ATP13A5: variants seen among roughly 807,000 people sequenced by gnomAD.
ATP13A5 encodes the protein probable cation-transporting ATPase 13A5.
ATP13A5 carries 149 observed loss-of-function variants against 150.2 expected under a neutral mutation model. The observed-to-expected ratio is 0.99, with a 90% CI of 0.87 to 1.14. The LOEUF is 1.14. Ranked by LOEUF, ATP13A5 falls within the 50% of genes most tolerant of loss-of-function variation. ATP13A5 has a pLI of 0.00. For missense variants in ATP13A5, 1,383 were observed against 1,449.3 expected (o/e 0.95, Z 0.74); for synonymous variants, 497 against 522.2 (o/e 0.95, Z 0.66).
intron 19 of ATP13A5, among the ~76,000 whole-genome samples, chr3:193,312,522 C>T (rs1240258306): frequency 6.6e-6 from 1 of 152,218 alleles, no homozygotes; most frequent in Non-Finnish European, 1.5e-5. Flanking sequence ...CCTTTCCCTC[C>T]TTCCTTGCAC....
intron 1 of ATP13A5, among the ~76,000 whole-genome samples, chr3:193,365,510 T>C (rs1211577666): frequency 6.6e-6 from 1 of 152,196 alleles, no homozygotes; most frequent in African/African-American, 2.4e-5. Flanking sequence ...TCTCTTTCTG[T>C]TCCCTCTGAT....
chr3:193,327,462 T>C (rs1344827028), intron 12 of ATP13A5, among the ~76,000 whole-genome samples: 10 of 152,196 alleles, frequency 6.6e-5, no homozygotes, highest in Admixed American at 3.3e-4. Context: ...TTCGAGACTG[T>C]TCAGTTCACA....
chr3:193,310,661 A>G lies in ATP13A5; in HGVS notation c.2502T>C (p.Leu834=). The change falls in exon 21 of 30, where the codon CTT becomes CTC. Residue 834 remains leucine (L), a synonymous_variant. Coordinates refer to ENST00000342358, the MANE Select transcript of ATP13A5 (RefSeq NM_198505.4). ...ACTTTAATTTCTGAAATTCTTCAATAAGGCTTGATTTCTGCCCAGGAGACA... is the reference window on the plus strand; with the variant it reads ...ACTTTAATTTCTGAAATTCTTCAATGAGGCTTGATTTCTGCCCAGGAGACA... ...ARMSPGQKSS[L]IEEFQKLNYY... 6.2e-7 allele frequency: 1 copy of G among 1,607,426 alleles called. No individual in the cohort carries two copies. The highest frequency in any genetic ancestry group is 8.5e-7 in the Non-Finnish European group (1 of 1,178,322).
chr3:193,327,160 T>G (rs1176624366), intron 12 of ATP13A5, 103 bp from the exon 13 acceptor site: 11 of 1,006,588 alleles, frequency 1.1e-5, no homozygotes, highest in Non-Finnish European at 1.6e-5. Flanking sequence ...GTAGATCCAG[T>G]AGTCTAAATA....
intron 7 of ATP13A5, among the ~76,000 whole-genome samples, chr3:193,347,702 C>T (rs533366801): frequency 2.0e-5 from 3 of 152,188 alleles, no homozygotes; most frequent in East Asian, 1.9e-4. Context: ...TCTGTGTAAC[C>T]TGTCATGCTT....
intron 7 of ATP13A5, among the ~76,000 whole-genome samples, chr3:193,349,736 A>C (rs1712490260): frequency 6.6e-6 from 1 of 152,170 alleles, no homozygotes; most frequent in African/African-American, 2.4e-5. Flanking sequence ...AAAATCGTAA[A>C]TATCAATATA....
intron 25 of ATP13A5, among the ~76,000 whole-genome samples, chr3:193,294,168 T>G (rs796755070): frequency 6.6e-5 from 10 of 152,146 alleles, no homozygotes; most frequent in African/African-American, 2.4e-4. Context: ...GGAAGACAGA[T>G]GGAAACAGTA....
chr3:193,348,412 C>A (rs965097532), intron 7 of ATP13A5, among the ~76,000 whole-genome samples: 1 of 152,168 alleles, frequency 6.6e-6, no homozygotes, highest in Non-Finnish European at 1.5e-5. Flanking sequence ...GAAGGCAAAG[C>A]ACTGTGGGCC....
intron 5 of ATP13A5, among the ~76,000 whole-genome samples, chr3:193,356,540 T>A (rs1284090141): frequency 6.6e-6 from 1 of 151,860 alleles, no homozygotes; most frequent in Non-Finnish European, 1.5e-5. Flanking sequence ...ACCTCAGGAG[T>A]TTGAGACCAG....
intron 21 of ATP13A5, among the ~76,000 whole-genome samples, chr3:193,308,314 C>T (rs1718698525): frequency 6.6e-6 from 1 of 152,098 alleles, no homozygotes; most frequent in Non-Finnish European, 1.5e-5. Flanking sequence ...AAAAAATCAG[C>T]TGGGCATGGT....
chr3:193,317,928 G>A (rs571604884), intron 17 of ATP13A5, among the ~76,000 whole-genome samples: 29 of 152,234 alleles, frequency 1.9e-4, no homozygotes, highest in South Asian at 4.1e-4. Flanking sequence ...TGTCCTTAAC[G>A]TTGATTATTC....
intron 27 of ATP13A5, among the ~76,000 whole-genome samples, chr3:193,283,347 A>G (rs1210514027): frequency 1.3e-5 from 2 of 152,188 alleles, no homozygotes; most frequent in Non-Finnish European, 2.9e-5. Context: ...CTTCCTGTGC[A>G]TAAAGACAAT....
At chr3:193,278,799 A>G (rs769348845) in intron 28 of ATP13A5, among the ~76,000 whole-genome samples, 1 of 152,158 alleles carries the variant, frequency 6.6e-6, no homozygotes, top group Non-Finnish European at 1.5e-5. Flanking sequence ...CATCTTCACA[A>G]CAAATCTATG....
At chr3:193,371,380 G>A (rs926021001) in intron 1 of ATP13A5, among the ~76,000 whole-genome samples, 9 of 152,170 alleles carry the variant, frequency 5.9e-5, no homozygotes, top group African/African-American at 2.2e-4. Flanking sequence ...AGCTGTGATG[G>A]TGTATTAGTT....
chr3:193,285,277 C>G (rs1017674046), intron 26 of ATP13A5, among the ~76,000 whole-genome samples, 161 bp from the exon 27 acceptor site: 2 of 152,172 alleles, frequency 1.3e-5, no homozygotes, highest in African/African-American at 4.8e-5. Context: ...TATGACAAAG[C>G]AGAAATAAAA....
At position 193,340,719 on chromosome 3, in the gene ATP13A5, T is replaced by A. The variant is rs566653492; in HGVS notation, c.943+3208A>T. Among the ~76,000 whole-genome samples, 4 of 152,368 alleles carry A rather than the reference T, an allele frequency of 2.6e-5. No homozygotes were observed. In the South Asian group the frequency reaches 8.3e-4, roughly 32 times the overall value. Reference sequence around the variant, plus strand: ...CTAGGTTCTGGGGACAAAATGCCTGTATTTAAGGCATTAAATTTATTTATT... The same window carrying A: ...CTAGGTTCTGGGGACAAAATGCCTGAATTTAAGGCATTAAATTTATTTATT... On this transcript the variant is annotated intron_variant, in intron 9 of 29. Transcript: ENST00000342358.
chr3:193,275,639 A>G (rs1717160278), intron 29 of ATP13A5, among the ~76,000 whole-genome samples: 1 of 152,252 alleles, frequency 6.6e-6, no homozygotes, highest in Non-Finnish European at 1.5e-5. Flanking sequence ...AATCACCATT[A>G]GCCTTGCTAC....
At chr3:193,326,456 T>C (rs1325388838) in intron 13 of ATP13A5, among the ~76,000 whole-genome samples, 1 of 152,216 alleles carries the variant, frequency 6.6e-6, no homozygotes, top group African/African-American at 2.4e-5. Flanking sequence ...CAGGTGGCTT[T>C]CTTTGATTCA....
At position 193,340,561 on chromosome 3, in the gene ATP13A5, C is replaced by T. The variant is rs548370449; in HGVS notation, c.943+3366G>A. On this transcript the variant is annotated intron_variant, in intron 9 of 29. Coordinates refer to ENST00000342358, the MANE Select transcript of ATP13A5 (RefSeq NM_198505.4). ...TGTCCAACTCAGGTCACTGCACTCTCGCCCCACACACATCTCAAATACATC... is the reference window on the plus strand; with the variant it reads ...TGTCCAACTCAGGTCACTGCACTCTTGCCCCACACACATCTCAAATACATC... Among the ~76,000 whole-genome samples the T allele has an allele frequency of 3.9e-5, 6 of 152,210 alleles. No individual in the cohort carries two copies. The South Asian group carries it at 6.2e-4, about 16-fold the overall frequency.
Sources: gnomAD v4.1 joint callset for allele counts (sites outside exome capture counted in the v4.1 genomes callset) on GRCh38, gnomAD v4.1.1 for gene constraint, MANE v1.5 for transcripts, NCBI Gene and HGNC (gene_info 2026-07-23, HGNC 2026-07-21) for gene names.